The following DCC variants were observed in gnomAD, a reference collection of about 807,000 sequenced individuals.
The protein encoded by DCC is netrin receptor DCC.
A neutral mutation model predicts 172.5 loss-of-function variants in DCC; 58 were observed. The ratio of observed to expected loss-of-function variants is 0.34; its 90% CI spans 0.27 to 0.42. DCC has a LOEUF of 0.42. DCC is among the 10% of genes least tolerant of loss of function. The pLI, the probability that DCC is intolerant of heterozygous loss-of-function variation, is 1.00. For synonymous variants in DCC, 709 were observed against 644.5 expected (o/e 1.10, Z -1.52); for missense variants, 1,740 against 1,791.0 (o/e 0.97, Z 0.51).
chr18:52,353,500 G>T (rs1232026790), intron 1 of DCC, among the ~76,000 whole-genome samples: 2 of 152,190 alleles, frequency 1.3e-5, no homozygotes, highest in East Asian at 1.9e-4. Context: ...CCTGACGGGG[G>T]CTACCCCATA....
intron 12 of DCC, among the ~76,000 whole-genome samples, chr18:53,280,060 A>G (rs919558342): frequency 7.9e-5 from 12 of 152,100 alleles, no homozygotes; most frequent in African/African-American, 2.9e-4. Flanking sequence ...TATATAACAA[A>G]ACTGCAAATG....
chr18:53,223,607 G>A (rs959833188), intron 12 of DCC, among the ~76,000 whole-genome samples: 2 of 152,146 alleles, frequency 1.3e-5, no homozygotes, highest in African/African-American at 2.4e-5. Flanking sequence ...TGCCCTTATA[G>A]TTGGAATGGT....
chr18:52,779,781 G>C (rs1004634211), intron 2 of DCC, among the ~76,000 whole-genome samples: 1 of 152,184 alleles, frequency 6.6e-6, no homozygotes, highest in Non-Finnish European at 1.5e-5. Context: ...CAGTGTAAAA[G>C]CATTCCTATT....
chr18:53,363,118 T>C (rs1386144354), intron 15 of DCC, among the ~76,000 whole-genome samples: 1 of 152,158 alleles, frequency 6.6e-6, no homozygotes, highest in Non-Finnish European at 1.5e-5. Context: ...AGTTAAGTGA[T>C]AGAACCAGGA....
intron 2 of DCC, among the ~76,000 whole-genome samples, chr18:52,894,787 C>A (rs767625600): frequency 2.6e-5 from 4 of 152,098 alleles, no homozygotes; most frequent in Non-Finnish European, 5.9e-5. Flanking sequence ...TTCTTTTATT[C>A]TGCTTCTTGT....
chr18:53,216,882 A>G (rs2144581905), intron 12 of DCC, among the ~76,000 whole-genome samples: 1 of 152,310 alleles, frequency 6.6e-6, no homozygotes, highest in East Asian at 1.9e-4. Context: ...ATCTGCAACA[A>G]CACTGCTTTA....
rs373934494 is a variant in DCC, at chr18:53,340,550, GA to G, written c.2359+645del. On this transcript the variant is annotated intron_variant, in intron 15 of 28. Coordinates refer to ENST00000442544, the MANE Select transcript of DCC (RefSeq NM_005215.4). ...ACTCAACTCAACCTCATTTTTTACT[GA>G]ATACAATACTTCAGTTGTGATATTC... is the stretch of plus-strand genomic sequence containing the variant. Among the ~76,000 whole-genome samples, 7 of 152,098 alleles carry G rather than the reference GA, an allele frequency of 4.6e-5. No homozygotes were observed. In the East Asian group the frequency reaches 1.4e-3, roughly 29 times the overall value.
intron 1 of DCC, among the ~76,000 whole-genome samples, chr18:52,508,573 A>G (rs1245577025): frequency 6.6e-6 from 1 of 152,238 alleles, no homozygotes; most frequent in Non-Finnish European, 1.5e-5. Context: ...TTGGGGCTGT[A>G]AAGTAATTCC....
chr18:53,370,677 A>C (rs2058052041), intron 15 of DCC, among the ~76,000 whole-genome samples: 1 of 151,600 alleles, frequency 6.6e-6, no homozygotes, highest in South Asian at 2.1e-4. Flanking sequence ...TTCCAGTTTT[A>C]CTTCTGTTAT....
intron 5 of DCC, among the ~76,000 whole-genome samples, chr18:53,061,711 C>CTGGCTTCATAATTTACAAGCTGTGTAAT (rs1179481720): frequency 2.6e-5 from 4 of 152,090 alleles, no homozygotes; most frequent in Non-Finnish European, 4.4e-5. Context: ...ATCAGACTGT[C>CTGGCTTCATAATTTACAAGCTGTGTAAT]TGGCTTCATA....
intron 1 of DCC, among the ~76,000 whole-genome samples, chr18:52,469,242 G>A (rs1446129964): frequency 1.3e-5 from 2 of 152,016 alleles, no homozygotes; most frequent in South Asian, 4.1e-4. Context: ...TATTTTAGTA[G>A]AGATGATGTT....
At chr18:53,308,178 A>C (rs2057225364) in intron 13 of DCC, among the ~76,000 whole-genome samples, 2 of 151,730 alleles carry the variant, frequency 1.3e-5, no homozygotes, top group South Asian at 4.2e-4. Context: ...TAGAAAACTC[A>C]GACACAGTTG....
Position 52,530,012 on chromosome 18 carries a change from T to A in DCC, c.91+189134T>A, listed in dbSNP as rs536170549. Among the ~76,000 whole-genome samples the A allele has an allele frequency of 5.9e-5, 9 of 152,306 alleles. No homozygotes were observed. In the South Asian group the frequency reaches 8.3e-4, roughly 14 times the overall value. On this transcript the variant is annotated intron_variant, in intron 1 of 28. Transcript: ENST00000442544. ...CTCTACTAGAAAGCTTATAGTCAAG[T>A]CAAAAACCCTCAAAATTTTGAATGC...
At chr18:53,058,616 C>G (rs1371163450) in intron 5 of DCC, among the ~76,000 whole-genome samples, 1 of 151,926 alleles carries the variant, frequency 6.6e-6, no homozygotes, top group East Asian at 1.9e-4. Context: ...GAGAAAAAAA[C>G]AGAGATCAAA....
At chr18:53,519,152 A>G (rs2046371832) in intron 27 of DCC, among the ~76,000 whole-genome samples, 1 of 152,166 alleles carries the variant, frequency 6.6e-6, no homozygotes, top group Non-Finnish European at 1.5e-5. Context: ...ATCCTTGTGT[A>G]ATTTTCATAG....
At chr18:52,417,008 T>A (rs547255383) in intron 1 of DCC, among the ~76,000 whole-genome samples, 219 of 152,296 alleles carry the variant, frequency 1.4e-3, no homozygotes, top group African/African-American at 4.9e-3. Context: ...CAGTGGCTGG[T>A]ACCGGTTGTT....
chr18:52,978,733 G>A (rs571474600), intron 5 of DCC, among the ~76,000 whole-genome samples: 5 of 152,186 alleles, frequency 3.3e-5, no homozygotes, highest in South Asian at 2.1e-4. Flanking sequence ...CACCCTTCCC[G>A]CTTTACAGTC....
At chr18:52,556,369 A>C (rs1026360) in intron 1 of DCC, among the ~76,000 whole-genome samples, 147,769 of 152,026 alleles carry the variant, frequency 0.97, 71,980 homozygotes, top group Middle Eastern at 1. Context: ...GTCTAAAAAC[A>C]TAAAGACAAC....
At chr18:53,459,110 C>T (rs2045517786) in intron 23 of DCC, 122 bp from the exon 24 acceptor site, 1 of 813,858 alleles carries the variant, frequency 1.2e-6, no homozygotes, top group East Asian at 2.6e-5. Context: ...CTGGGTTTCA[C>T]AGGGCTCATT....
Sources: allele counts gnomAD v4.1 joint callset (sites outside exome capture counted in the v4.1 genomes callset), GRCh38; gene constraint gnomAD v4.1.1; transcripts MANE v1.5; gene names NCBI Gene and HGNC (gene_info 2026-07-23, HGNC 2026-07-21).